The following EEPD1 variants were observed in gnomAD, a reference collection of about 807,000 sequenced individuals.
The protein encoded by EEPD1 is endonuclease/exonuclease/phosphatase family domain-containing protein 1.
Under a neutral mutation model 46.3 loss-of-function variants are expected in EEPD1, and 17 were observed. The ratio of observed to expected loss-of-function variants is 0.37; its 90% CI spans 0.25 to 0.55. The LOEUF is 0.55. Among genes scored for constraint, EEPD1 ranks in the 20% least tolerant of loss-of-function variants. EEPD1 has a pLI of 0.83. For missense variants in EEPD1, 673 were observed against 745.6 expected, an observed-to-expected ratio of 0.90 and a Z score of 1.13; for synonymous variants, 313 against 315.6, an observed-to-expected ratio of 0.99 and a Z score of 0.09.
At chr7:36,192,498 CTTCT>C in intron 2 of EEPD1, among the ~76,000 whole-genome samples, 1 of 115,650 alleles carries the variant, frequency 8.6e-6, no homozygotes, top group Non-Finnish European at 1.8e-5. Flanking sequence ...GCATGTATTT[CTTCT>C]TTCTCTTTCT....
At position 36,165,411 on chromosome 7, in the gene EEPD1, C is replaced by CTTTTTTTTT. The variant is rs56236165; in HGVS notation, c.878+10229_878+10237dup. 1.8e-3 allele frequency among the ~76,000 whole-genome samples: 111 copies of CTTTTTTTTT among 62,104 alleles called. 15 individuals are homozygous for CTTTTTTTTT. Among genetic ancestry groups the CTTTTTTTTT allele is most frequent in the African/African-American group, 6.5e-3 (92 of 14,102 alleles). The allele number at this position is 62,104 out of a possible 152,430, so 40.7% of individuals were successfully genotyped here. ...ATGAAATCGCCTAATGATCCATTTCCTTTTTTTTTTTTTTTTTTTTTTTTT... is the reference window on the plus strand; with the variant it reads ...ATGAAATCGCCTAATGATCCATTTCCTTTTTTTTTTTTTTTTTTTTTTTTTTTTTTTTTT... On this transcript the variant is annotated intron_variant, in intron 2 of 7. Transcript: ENST00000242108.
intron 3 of EEPD1, among the ~76,000 whole-genome samples, chr7:36,256,476 A>G (rs1009601996): frequency 4.6e-5 from 7 of 152,342 alleles, no homozygotes; most frequent in African/African-American, 1.7e-4. Flanking sequence ...ATAGGTCTCT[A>G]AGAACTTGCT....
At chr7:36,222,250 A>G (rs1013771768) in intron 2 of EEPD1, among the ~76,000 whole-genome samples, 2 of 152,234 alleles carry the variant, frequency 1.3e-5, no homozygotes, top group African/African-American at 4.8e-5. Context: ...TCTTACAAAT[A>G]AAGTAAACTA....
At chr7:36,270,239 T>C (rs1787082666) in intron 3 of EEPD1, among the ~76,000 whole-genome samples, 1 of 152,332 alleles carries the variant, frequency 6.6e-6, no homozygotes, top group Non-Finnish European at 1.5e-5. Flanking sequence ...ATACTTAATT[T>C]TTTTCTGACT....
At chr7:36,162,865 C>T (rs542027722) in intron 2 of EEPD1, among the ~76,000 whole-genome samples, 11 of 152,270 alleles carry the variant, frequency 7.2e-5, no homozygotes, top group Admixed American at 1.3e-4. Flanking sequence ...AGCGACAGTA[C>T]GTTGTTCCCA....
chr7:36,278,716 T>A (rs893145724), intron 3 of EEPD1, among the ~76,000 whole-genome samples: 1 of 152,210 alleles, frequency 6.6e-6, no homozygotes, highest in African/African-American at 2.4e-5. Flanking sequence ...GGACCCTTTG[T>A]GAAGTACATT....
intron 3 of EEPD1, 52 bp from the exon 4 acceptor site, chr7:36,281,063 G>C: frequency 6.5e-7 from 1 of 1,543,460 alleles, no homozygotes; most frequent in South Asian, 1.1e-5. Context: ...CCGCCAGCCG[G>C]GACTGCTTTA....
At chr7:36,253,590 C>T (rs1786781420) in intron 3 of EEPD1, among the ~76,000 whole-genome samples, 1 of 152,116 alleles carries the variant, frequency 6.6e-6, no homozygotes, top group Non-Finnish European at 1.5e-5. Context: ...TGAATTCTCT[C>T]AGTTTTTGCT....
At chr7:36,162,460 A>G (rs192682449) in intron 2 of EEPD1, among the ~76,000 whole-genome samples, 142 of 152,308 alleles carry the variant, frequency 9.3e-4, no homozygotes, top group Non-Finnish European at 1.6e-3. Flanking sequence ...CCTGGGCAAC[A>G]TGGTGAAATC....
intron 3 of EEPD1, among the ~76,000 whole-genome samples, chr7:36,249,268 A>G (rs946077779): frequency 1.3e-5 from 2 of 152,090 alleles, no homozygotes; most frequent in African/African-American, 4.8e-5. Flanking sequence ...ATGATGTGTA[A>G]TGGTGAAGTT....
chr7:36,286,917 A>G (rs1217718588), intron 5 of EEPD1, among the ~76,000 whole-genome samples: 1 of 152,140 alleles, frequency 6.6e-6, no homozygotes, highest in Admixed American at 6.5e-5. Flanking sequence ...CTCCCACCTC[A>G]GCCTTCCAAA....
At chr7:36,292,549 C>T (rs927522470) in intron 6 of EEPD1, among the ~76,000 whole-genome samples, 7 of 151,318 alleles carry the variant, frequency 4.6e-5, no homozygotes, top group African/African-American at 1.7e-4. Flanking sequence ...TCACTCTAGC[C>T]GAGGCTGGAG....
At chr7:36,283,403 C>CT (rs1358677696) in intron 4 of EEPD1, among the ~76,000 whole-genome samples, 2 of 152,140 alleles carry the variant, frequency 1.3e-5, no homozygotes, top group Non-Finnish European at 2.9e-5. Context: ...CGGGGAGCCC[C>CT]TGAAGGCTTT....
chr7:36,170,473 G>C (rs965646416), intron 2 of EEPD1, among the ~76,000 whole-genome samples: 2 of 149,152 alleles, frequency 1.3e-5, no homozygotes, highest in Non-Finnish European at 3.0e-5. Context: ...AACTCCTGCT[G>C]TGGAGAGTTA....
At chr7:36,197,592 T>G (rs1406670801) in intron 2 of EEPD1, among the ~76,000 whole-genome samples, 4 of 152,222 alleles carry the variant, frequency 2.6e-5, no homozygotes, top group Non-Finnish European at 4.4e-5. Flanking sequence ...TGCCTTGGGA[T>G]CCTATTGATC....
intron 3 of EEPD1, among the ~76,000 whole-genome samples, chr7:36,267,744 G>C (rs911983189): frequency 3.9e-5 from 6 of 152,126 alleles, no homozygotes; most frequent in Non-Finnish European, 8.8e-5. Flanking sequence ...AATTGTCATG[G>C]ACTAGCTGTT....
intron 2 of EEPD1, among the ~76,000 whole-genome samples, chr7:36,218,586 T>C (rs772395989): frequency 9.9e-5 from 15 of 152,042 alleles, no homozygotes; most frequent in African/African-American, 1.7e-4. Flanking sequence ...AAGGGAGGGT[T>C]CACATCCCTG....
intron 2 of EEPD1, among the ~76,000 whole-genome samples, chr7:36,205,726 T>C (rs1204414511): frequency 2.6e-5 from 4 of 152,214 alleles, no homozygotes; most frequent in African/African-American, 7.2e-5. Flanking sequence ...TGGTAAGAAA[T>C]TCCCAAAGTG....
At chr7:36,281,314 C>A in intron 4 of EEPD1, 89 bp downstream of exon 4, 1 of 1,147,914 alleles carries the variant, frequency 8.7e-7, no homozygotes. Context: ...ATTTCCTTTG[C>A]CAATATCCCC....
Sources: gnomAD v4.1 joint callset for allele counts (sites outside exome capture counted in the v4.1 genomes callset) on GRCh38, gnomAD v4.1.1 for gene constraint, MANE v1.5 for transcripts, NCBI Gene and HGNC (gene_info 2026-07-23, HGNC 2026-07-21) for gene names.